RUFY4: variants seen among roughly 807,000 people sequenced by gnomAD.
The protein encoded by RUFY4 is RUN and FYVE domain containing 4, also known as RUN and FYVE domain-containing protein 4.
A neutral mutation model predicts 69.0 loss-of-function variants in RUFY4; 73 were observed. The observed-to-expected ratio is 1.06, with a 90% CI of 0.88 to 1.29. The LOEUF (loss-of-function observed/expected upper bound fraction) is 1.29, where lower values mean the gene tolerates loss of function less well. RUFY4 is among the 50% of genes most tolerant of loss of function. RUFY4 has a pLI of 0.00. For synonymous variants in RUFY4, 287 were observed against 271.8 expected (o/e 1.06, Z -0.55); for missense variants, 770 against 705.6 (o/e 1.09, Z -1.03).
At chr2:218,045,902 T>C (rs538296474) in intron 2 of RUFY4, among the ~76,000 whole-genome samples, 8 of 152,244 alleles carry the variant, frequency 5.3e-5, no homozygotes, top group African/African-American at 1.9e-4. Flanking sequence ...CCTCCGGGGT[T>C]CGCGCCATTC....
intron 3 of RUFY4, chr2:218,061,120 T>A: frequency 1.9e-6 from 1 of 514,080 alleles, no homozygotes; most frequent in Admixed American, 2.2e-5. Flanking sequence ...AGATGGGCAA[T>A]GTCAGGGAAA....
chr2:218,075,106 A>G, exon 7 of RUFY4: 3 of 1,535,152 alleles, frequency 2.0e-6, no homozygotes, highest in Non-Finnish European at 2.6e-6. Flanking sequence ...CCAGCCGCAT[A>G]TGGAGGGCCT....
intron 2 of RUFY4, among the ~76,000 whole-genome samples, chr2:218,037,169 A>T (rs920529717): frequency 6.6e-6 from 1 of 151,964 alleles, no homozygotes; most frequent in Admixed American, 6.6e-5. Flanking sequence ...AAATACAAAA[A>T]ATTAGCCGGG....
chr2:218,090,087 C>T (rs1689997460), exon 11 of RUFY4: 3 of 1,378,200 alleles, frequency 2.2e-6, no homozygotes, highest in Non-Finnish European at 3.0e-6. Flanking sequence ...ACTGGCCTCC[C>T]ACCTGCCTGC....
intron 10 of RUFY4, chr2:218,089,710 A>G: frequency 2.8e-6 from 2 of 703,592 alleles, no homozygotes; most frequent in Non-Finnish European, 5.2e-6. Flanking sequence ...CTTGGGAGAG[A>G]GGAAAGTGAG....
chr2:218,066,771 T>C (rs139189147), upstream of RUFY4, among the ~76,000 whole-genome samples: 244 of 152,386 alleles, frequency 1.6e-3, 1 homozygote, highest in Middle Eastern at 6.8e-3. Context: ...TATTCTGAAA[T>C]GTCTGTTTTC....
intron 8 of RUFY4, among the ~76,000 whole-genome samples, chr2:218,082,874 T>G (rs998054647): frequency 3.7e-5 from 5 of 133,340 alleles, no homozygotes; most frequent in African/African-American, 1.2e-4. Flanking sequence ...GCATTGTAAG[T>G]GTGTCTTCTG....
At position 218,070,868 on chromosome 2, in the gene RUFY4, T is replaced by C. The variant is rs1689469640; in HGVS notation, c.153+9T>C. The C allele has an allele frequency of 9.2e-6, 14 of 1,529,046 alleles. No individual in the cohort carries two copies. The highest frequency in any genetic ancestry group is 2.0e-5 in the Admixed American group (1 of 50,392). The allele number at this position is 1,529,046 out of a possible 1,614,324, so 94.7% of individuals were successfully genotyped here. A position where few individuals can be genotyped will look rare whatever the true frequency, so the allele number is the denominator to read the frequency against. On this transcript the variant is annotated intron_variant, in intron 2 of 10. Coordinates refer to ENST00000344321, the Ensembl canonical transcript of RUFY4. ...TGGAGCTGCTGCTGCAGGTGGGACC[T>C]TCTCCTCCCCTTCCCCATCCCTCTC...
chr2:218,079,042 T>C (rs1689700530), intron 8 of RUFY4, among the ~76,000 whole-genome samples: 1 of 152,178 alleles, frequency 6.6e-6, no homozygotes, highest in Non-Finnish European at 1.5e-5. Context: ...TAATTTTTTG[T>C]ATTTTTAGTA....
At chr2:218,047,798 G>A (rs952189673) in intron 2 of RUFY4, among the ~76,000 whole-genome samples, 7 of 152,054 alleles carry the variant, frequency 4.6e-5, no homozygotes, top group Non-Finnish European at 7.4e-5. Context: ...TTAAACTTAC[G>A]TTTATTTAGT....
At chr2:218,062,001 C>T (rs1359835876) in intron 3 of RUFY4, among the ~76,000 whole-genome samples, 3 of 152,162 alleles carry the variant, frequency 2.0e-5, no homozygotes, top group East Asian at 1.9e-4. Flanking sequence ...TTGGAAGGCT[C>T]GAGATAGAAG....
chr2:218,046,564 T>G (rs1284996553), intron 2 of RUFY4, among the ~76,000 whole-genome samples: 1 of 152,240 alleles, frequency 6.6e-6, no homozygotes, highest in Non-Finnish European at 1.5e-5. Context: ...GTGTCATAGC[T>G]GCTTTCAAAA....
intron 2 of RUFY4, among the ~76,000 whole-genome samples, chr2:218,051,409 G>T (rs1688940052): frequency 6.6e-6 from 1 of 151,658 alleles, no homozygotes; most frequent in Non-Finnish European, 1.5e-5. Context: ...AAAAATTAAG[G>T]TTTCTAAAAT....
rs981920589 is a variant in RUFY4, at chr2:218,080,526, C to T, written c.1356-2584C>T. Among the ~76,000 whole-genome samples, 16 of 152,276 alleles carry T rather than the reference C, an allele frequency of 1.1e-4. 1 individual carries two copies. The highest frequency in any genetic ancestry group is 2.1e-4 in the South Asian group (1 of 4,822). On this transcript the variant is annotated intron_variant, in intron 8 of 10. Transcript: ENST00000344321. ...CAGGTCCCTGATTTGCAAAAGGAGA[C>T]GGTGGGATAGCTAAGGTTCCTCCTC...
At chr2:218,060,193 T>G (rs1004558242) in intron 3 of RUFY4, 16 of 663,536 alleles carry the variant, frequency 2.4e-5, no homozygotes, top group Non-Finnish European at 3.9e-5. Flanking sequence ...GGGAAACTAG[T>G]AAGAACGTGG....
intron 2 of RUFY4, among the ~76,000 whole-genome samples, chr2:218,042,886 G>A (rs1023722157): frequency 1.3e-5 from 2 of 152,060 alleles, no homozygotes; most frequent in Non-Finnish European, 2.9e-5. Context: ...CTTTATTATA[G>A]TCACTCCTAT....
At chr2:218,065,733 G>A (rs889536929), upstream of RUFY4, 3 of 152,420 alleles carry the variant, frequency 2.0e-5, no homozygotes, top group African/African-American at 4.8e-5. Flanking sequence ...CTCTACTAGT[G>A]GGGTTCCCTC....
upstream of RUFY4, among the ~76,000 whole-genome samples, chr2:218,067,098 C>T (rs1453611433): frequency 6.6e-6 from 1 of 152,218 alleles, no homozygotes; most frequent in Non-Finnish European, 1.5e-5. Context: ...CAACTTCCTC[C>T]CGCTCTTTAT....
At chr2:218,076,557 A>C (rs1559435165) in intron 8 of RUFY4, 24 bp downstream of exon 10, 1 of 1,547,856 alleles carries the variant, frequency 6.5e-7, no homozygotes, top group Non-Finnish European at 8.7e-7. Context: ...CCCACAGCAC[A>C]GGGCACCTGG....
Sources: gnomAD v4.1 joint callset for allele counts (sites outside exome capture counted in the v4.1 genomes callset) on GRCh38, gnomAD v4.1.1 for gene constraint, MANE v1.5 for transcripts, NCBI Gene and HGNC (gene_info 2026-07-23, HGNC 2026-07-21) for gene names.